The following SEPTIN14 variants were observed in gnomAD, a reference collection of about 807,000 sequenced individuals.
SEPTIN14 encodes septin-14.
SEPTIN14 carries 40 observed loss-of-function variants against 53.6 expected under a neutral mutation model. That is an observed-to-expected ratio of 0.75 (90% CI 0.58 to 0.97). SEPTIN14 has a LOEUF of 0.97. SEPTIN14 is among the 50% of genes least tolerant of loss of function. The pLI, the probability that SEPTIN14 is intolerant of heterozygous loss-of-function variation, is 0.00. For synonymous variants in SEPTIN14, 138 were observed against 166.8 expected (o/e 0.83, Z 1.33); for missense variants, 471 against 508.2 (o/e 0.93, Z 0.70).
At chr7:55,853,030 T>A (rs1789546484) in intron 2 of SEPTIN14, among the ~76,000 whole-genome samples, 1 of 152,106 alleles carries the variant, frequency 6.6e-6, no homozygotes, top group Admixed American at 6.6e-5. Context: ...CCCAAAAGAC[T>A]GGCAATAACA....
chr7:55,818,010 T>C (rs1366283321), intron 7 of SEPTIN14, among the ~76,000 whole-genome samples: 1 of 152,140 alleles, frequency 6.6e-6, no homozygotes, highest in Non-Finnish European at 1.5e-5. Context: ...CCACAATATA[T>C]GGTTTATTGT....
At chr7:55,854,473 A>T (rs945363593) in intron 2 of SEPTIN14, among the ~76,000 whole-genome samples, 1 of 151,680 alleles carries the variant, frequency 6.6e-6, no homozygotes, top group Non-Finnish European at 1.5e-5. Flanking sequence ...TCTGTCGCCC[A>T]GGTTGGAGTG....
At chr7:55,858,523 G>A (rs1789687430) in intron 2 of SEPTIN14, among the ~76,000 whole-genome samples, 1 of 152,206 alleles carries the variant, frequency 6.6e-6, no homozygotes, top group Non-Finnish European at 1.5e-5. Context: ...CCATAGGGTA[G>A]GCCAGGCGCA....
At chr7:55,860,968 A>G (rs1390537532) in intron 2 of SEPTIN14, among the ~76,000 whole-genome samples, 1 of 152,184 alleles carries the variant, frequency 6.6e-6, no homozygotes, top group African/African-American at 2.4e-5. Flanking sequence ...AGCTGCCCAA[A>G]CAGACTAAGA....
intron 3 of SEPTIN14, among the ~76,000 whole-genome samples, chr7:55,844,947 T>A (rs1161258421): frequency 6.7e-6 from 1 of 150,296 alleles, no homozygotes; most frequent in Non-Finnish European, 1.5e-5. Flanking sequence ...AGGTTGGGAG[T>A]ACACGTGCAG....
chr7:55,825,483 T>C lies in SEPTIN14; in HGVS notation c.721-6260A>G, dbSNP rs182887864. ...GTTCAACACAAACAATGAAGACTGT[T>C]GTCAGATACGAACTTTAGTTTATAA... On this transcript the variant is annotated intron_variant, in intron 6 of 9. Transcript: ENST00000388975. 7.3e-4 allele frequency among the ~76,000 whole-genome samples: 111 copies of C among 152,290 alleles called. 1 individual carries two copies. The highest frequency in any genetic ancestry group is 2.5e-3 in the African/African-American group (104 of 41,564).
intron 2 of SEPTIN14, among the ~76,000 whole-genome samples, chr7:55,860,254 A>G (rs190386176): frequency 6.6e-5 from 10 of 152,304 alleles, no homozygotes; most frequent in Admixed American, 6.5e-4. Flanking sequence ...GGATGGAACT[A>G]GAGGTCATTA....
chr7:55,855,666 C>T (rs1428420369), intron 2 of SEPTIN14, among the ~76,000 whole-genome samples: 1 of 152,162 alleles, frequency 6.6e-6, no homozygotes, highest in Non-Finnish European at 1.5e-5. Flanking sequence ...AGCAATTCTC[C>T]TGACTCAACG....
chr7:55,837,123 TGA>T (rs1239306941), intron 5 of SEPTIN14, among the ~76,000 whole-genome samples: 8 of 148,806 alleles, frequency 5.4e-5, no homozygotes, highest in Admixed American at 6.7e-5. Context: ...TTTTTTTTTT[TGA>T]GAGAGAGAGA....
At chr7:55,825,970 C>T (rs552371920) in intron 6 of SEPTIN14, among the ~76,000 whole-genome samples, 1 of 152,060 alleles carries the variant, frequency 6.6e-6, no homozygotes, top group South Asian at 2.1e-4. Flanking sequence ...GGCGTGGTGG[C>T]AGGCGCCTGT....
intron 9 of SEPTIN14, among the ~76,000 whole-genome samples, chr7:55,801,044 T>C (rs1788514890): frequency 6.6e-6 from 1 of 152,124 alleles, no homozygotes; most frequent in African/African-American, 2.4e-5. Flanking sequence ...TCAATAGTTA[T>C]GGGATACAGC....
chr7:55,824,270 A>G (rs1788947218), intron 6 of SEPTIN14, among the ~76,000 whole-genome samples: 1 of 152,190 alleles, frequency 6.6e-6, no homozygotes. Flanking sequence ...AAAATATACA[A>G]AGAACTCTTA....
chr7:55,847,826 C>T (rs62456620), intron 2 of SEPTIN14, among the ~76,000 whole-genome samples: 2 of 151,602 alleles, frequency 1.3e-5, no homozygotes, highest in Non-Finnish European at 2.9e-5. Flanking sequence ...AATTAGAAAT[C>T]CATCAGTATT....
intron 7 of SEPTIN14, among the ~76,000 whole-genome samples, chr7:55,814,038 A>G (rs954643108): frequency 1.3e-5 from 2 of 152,124 alleles, no homozygotes; most frequent in Non-Finnish European, 2.9e-5. Context: ...GCACAGACAG[A>G]GAGACTCCTT....
rs757284369 is a variant in SEPTIN14, at chr7:55,843,023, G to A, written c.477C>T (p.His159=). Residue 159 remains histidine (H), a synonymous_variant, in exon 5 of 10, where the codon CAC becomes CAT. Coordinates refer to ENST00000388975, the MANE Select transcript of SEPTIN14 (RefSeq NM_207366.3). ...TAGGTGAAATGAAGTAAAGACACAC[G>A]TGGACGCGAGAATCATGGTACTCAA... ...SLFEYHDSRV[H]VCLYFISPTG... is the part of the protein sequence containing the mutation. The A allele has an allele frequency of 1.3e-5, 20 of 1,591,604 alleles. No homozygotes were observed. Among genetic ancestry groups the A allele is most frequent in the South Asian group, 2.3e-5 (2 of 88,032 alleles).
chr7:55,860,099 A>AACC (rs769135687), intron 2 of SEPTIN14, among the ~76,000 whole-genome samples: 6 of 143,938 alleles, frequency 4.2e-5, no homozygotes, highest in Non-Finnish European at 9.6e-5. Context: ...GAATCAATTG[A>AACC]ACCTGGGAGG....
At chr7:55,835,223 C>G (rs1789183796) in intron 5 of SEPTIN14, among the ~76,000 whole-genome samples, 1 of 151,148 alleles carries the variant, frequency 6.6e-6, no homozygotes. Context: ...ATTTTTCAGA[C>G]AGAGTCTGGC....
At chr7:55,835,901 C>G (rs1789197791) in intron 5 of SEPTIN14, among the ~76,000 whole-genome samples, 1 of 151,944 alleles carries the variant, frequency 6.6e-6, no homozygotes, top group Non-Finnish European at 1.5e-5. Flanking sequence ...CGCCACCATA[C>G]CCGGTTGATT....
In SEPTIN14 at chr7:55,841,151, T is replaced by C. The variant is rs531124256; in HGVS notation, c.558+1791A>G. ...CTTGAACTCCTGATCTCAGGTGATCTGCCCACCTCAGCCTCCCAAAGTGAC... is the reference window on the plus strand; with the variant it reads ...CTTGAACTCCTGATCTCAGGTGATCCGCCCACCTCAGCCTCCCAAAGTGAC... On this transcript the variant is annotated intron_variant, in intron 5 of 9. Transcript: ENST00000388975. Among the ~76,000 whole-genome samples the C allele has an allele frequency of 2.8e-3, 425 of 152,156 alleles. 5 individuals carry two copies. The highest frequency in any genetic ancestry group is 0.01 in the Middle Eastern group (3 of 294).
Sources: allele counts gnomAD v4.1 joint callset (sites outside exome capture counted in the v4.1 genomes callset), GRCh38; gene constraint gnomAD v4.1.1; transcripts MANE v1.5; gene names NCBI Gene and HGNC (gene_info 2026-07-23, HGNC 2026-07-21).